The following PRKN variants were observed in gnomAD, a reference collection of about 807,000 sequenced individuals.
The protein encoded by PRKN is E3 ubiquitin-protein ligase parkin.
In PRKN, 56 loss-of-function variants were observed where a neutral mutation model predicts 59.5. The observed-to-expected ratio is 0.94, with a 90% CI of 0.76 to 1.18. PRKN has a LOEUF of 1.18. Ranked by LOEUF, PRKN falls within the 50% of genes most tolerant of loss-of-function variation. The pLI is 0.00. For missense variants in PRKN, 657 were observed against 596.4 expected (o/e 1.10, Z -1.06); for synonymous variants, 250 against 222.1 (o/e 1.13, Z -1.12).
At chr6:161,891,407 C>T (rs1371838827) in intron 6 of PRKN, among the ~76,000 whole-genome samples, 4 of 152,172 alleles carry the variant, frequency 2.6e-5, no homozygotes, top group African/African-American at 9.7e-5. Context: ...GTGAGTTCTG[C>T]TAGTTTCTGT....
intron 6 of PRKN, among the ~76,000 whole-genome samples, chr6:161,954,204 C>A (rs1583399630): frequency 6.6e-6 from 1 of 152,124 alleles, no homozygotes; most frequent in African/African-American, 2.4e-5. Flanking sequence ...TACATCGAAG[C>A]GAAGCACTTA....
chr6:161,511,271 A>G (rs1433290664), intron 9 of PRKN, among the ~76,000 whole-genome samples: 2 of 152,228 alleles, frequency 1.3e-5, no homozygotes, highest in African/African-American at 4.8e-5. Context: ...ATATGATGTA[A>G]GTTTAAAAAA....
chr6:162,447,037 G>A (rs754589343), intron 1 of PRKN, among the ~76,000 whole-genome samples: 2 of 152,074 alleles, frequency 1.3e-5, no homozygotes, highest in South Asian at 4.2e-4. Context: ...CTAATAAATC[G>A]GTATAAGGGA....
At chr6:161,878,110 TG>T (rs1794803662) in intron 6 of PRKN, among the ~76,000 whole-genome samples, 1 of 152,182 alleles carries the variant, frequency 6.6e-6, no homozygotes, top group African/African-American at 2.4e-5. Flanking sequence ...GAGGGAGCTA[TG>T]AAGCTAGTGG....
rs200256562 is a variant in PRKN at position 162,262,661 on chromosome 6, C to G, written c.276G>C (p.Ala92=). The change falls in exon 3 of 12, where the codon GCG becomes GCC. Residue 92 remains alanine, a synonymous_variant. Coordinates refer to ENST00000366898, the MANE Select transcript of PRKN (RefSeq NM_004562.3). ...ATGGDDPRNA[A]GGCEREPQSL... Reference sequence around the variant, plus strand: ...TCTGGGGCTCCCGCTCACAGCCTCCCGCCGCGTTTCTGGGGTCGTCGCCTC... The same window carrying G: ...TCTGGGGCTCCCGCTCACAGCCTCCGGCCGCGTTTCTGGGGTCGTCGCCTC... 3.7e-6 allele frequency: 6 copies of G among 1,613,692 alleles called. No homozygotes were observed. The highest frequency in any genetic ancestry group is 1.6e-4 in the Middle Eastern group (1 of 6,062).
intron 1 of PRKN, chr6:162,624,325 T>C (rs1390032287): frequency 6.6e-6 from 1 of 152,058 alleles, no homozygotes; most frequent in Non-Finnish European, 1.5e-5. Context: ...GTGTCTCATA[T>C]TTAAAATTTA....
intron 9 of PRKN, among the ~76,000 whole-genome samples, chr6:161,535,554 G>A (rs76468860): frequency 0.023 from 3,442 of 152,280 alleles, 128 homozygotes; most frequent in African/African-American, 0.078. Flanking sequence ...ACAGTTTCTA[G>A]CTGGGCACAT....
intron 2 of PRKN, among the ~76,000 whole-genome samples, chr6:162,376,833 AG>A (rs1245630655): frequency 1.5e-5 from 1 of 64,630 alleles, no homozygotes; most frequent in Non-Finnish European, 2.7e-5. Context: ...GGAGAGGGAG[AG>A]GGAGGGAGGG....
intron 2 of PRKN, among the ~76,000 whole-genome samples, chr6:162,269,786 T>C (rs1780294438): frequency 6.6e-6 from 1 of 152,168 alleles, no homozygotes; most frequent in African/African-American, 2.4e-5. Context: ...ATATCACTAG[T>C]GATCAGGGAA....
intron 10 of PRKN, among the ~76,000 whole-genome samples, chr6:161,368,637 C>G (rs1455812399): frequency 6.6e-6 from 1 of 151,362 alleles, no homozygotes; most frequent in Non-Finnish European, 1.5e-5. Context: ...ACCCAGCCCC[C>G]CTCCCCTCAC....
intron 1 of PRKN, among the ~76,000 whole-genome samples, chr6:162,513,747 T>C (rs1253120339): frequency 6.6e-6 from 1 of 151,986 alleles, no homozygotes; most frequent in Non-Finnish European, 1.5e-5. Context: ...AGTAAAACTG[T>C]CCTCATTCTT....
At chr6:162,479,169 T>C (rs1206444798) in intron 1 of PRKN, among the ~76,000 whole-genome samples, 2 of 152,108 alleles carry the variant, frequency 1.3e-5, no homozygotes, top group African/African-American at 4.8e-5. Context: ...GTATTCCTTC[T>C]TCATATCCTT....
intron 5 of PRKN, among the ~76,000 whole-genome samples, chr6:162,004,022 A>G (rs769476728): frequency 2.5e-4 from 38 of 152,298 alleles, no homozygotes; most frequent in Admixed American, 7.2e-4. Context: ...ACACAGATAA[A>G]TTAGGAGTTG....
chr6:162,312,522 C>T (rs190060843), intron 2 of PRKN, among the ~76,000 whole-genome samples: 111 of 152,204 alleles, frequency 7.3e-4, no homozygotes, highest in African/African-American at 2.5e-3. Flanking sequence ...CTGACCCAGG[C>T]GATACAACAC....
chr6:162,551,716 C>T (rs1005342777), intron 1 of PRKN, among the ~76,000 whole-genome samples: 1 of 151,684 alleles, frequency 6.6e-6, no homozygotes. Flanking sequence ...CCGGCCTCAT[C>T]GTTGTAACAT....
In PRKN at chr6:161,822,746, G is replaced by GT. The variant is rs200572321; in HGVS notation, c.735-36839_735-36838insA. Among the ~76,000 whole-genome samples the GT allele has an allele frequency of 7.3e-3, 1,108 of 152,250 alleles. 11 individuals carry two copies. The highest frequency in any genetic ancestry group is 0.025 in the African/African-American group (1,053 of 41,560). ...GGTCTCAGATCATGATAATGTTTGA[G>GT]AAGCCACCTTACCAGTCATTGACCA... On this transcript the variant is annotated intron_variant, in intron 6 of 11. Coordinates refer to ENST00000366898, the MANE Select transcript of PRKN (RefSeq NM_004562.3).
At chr6:161,861,184 T>G (rs998025991) in intron 6 of PRKN, among the ~76,000 whole-genome samples, 8 of 152,106 alleles carry the variant, frequency 5.3e-5, no homozygotes, top group Admixed American at 4.6e-4. Flanking sequence ...CAAATGCCCA[T>G]CAATGATAGA....
chr6:162,121,767 C>G (rs1780925103), intron 4 of PRKN, among the ~76,000 whole-genome samples: 1 of 152,180 alleles, frequency 6.6e-6, no homozygotes. Flanking sequence ...TGCATCTCTG[C>G]TGGCTCAGCT....
chr6:162,595,612 A>T (rs958504242), intron 1 of PRKN, among the ~76,000 whole-genome samples: 3 of 151,854 alleles, frequency 2.0e-5, no homozygotes, highest in East Asian at 1.9e-4. Context: ...GTTTTTTTTT[A>T]AATATCTTTA....
Sources: gnomAD v4.1 joint callset for allele counts (sites outside exome capture counted in the v4.1 genomes callset) on GRCh38, gnomAD v4.1.1 for gene constraint, MANE v1.5 for transcripts, NCBI Gene and HGNC (gene_info 2026-07-23, HGNC 2026-07-21) for gene names.